CPB2: variants seen among roughly 807,000 people sequenced by gnomAD.
CPB2 encodes carboxypeptidase B-like protein.
A neutral mutation model predicts 57.0 loss-of-function variants in CPB2; 54 were observed. The ratio of observed to expected loss-of-function variants is 0.95; its 90% CI spans 0.76 to 1.19. The LOEUF is 1.19. Among genes scored for constraint, CPB2 ranks in the 50% most tolerant of loss-of-function variants. CPB2 has a pLI of 0.00. For missense variants in CPB2, 426 were observed against 512.0 expected (o/e 0.83, Z 1.62); for synonymous variants, 189 against 178.1 (o/e 1.06, Z -0.49).
intron 10 of CPB2, among the ~76,000 whole-genome samples, chr13:46,054,063 A>G (rs761220690): frequency 2.0e-5 from 3 of 152,236 alleles, no homozygotes; most frequent in Non-Finnish European, 2.9e-5. Context: ...ATGGACGTCA[A>G]AAGAACTGAA....
At chr13:46,084,945 A>G (rs1388947973) in intron 2 of CPB2, among the ~76,000 whole-genome samples, 1 of 151,056 alleles carries the variant, frequency 6.6e-6, no homozygotes, top group African/African-American at 2.4e-5. Flanking sequence ...CTGCCTCCCG[A>G]GTTCTCGCCA....
rs889347308 is a variant in CPB2 at position 46,078,893 on chromosome 13, A to T, written c.393T>A (p.Ser131=). The part of the protein sequence containing the change: ...EQYHSLNEIY[S]WIEFITERHP... ...GCCTCTCAGTTATAAATTCTATCCA[A>T]GAATAGATCTAGCAAAATGGAAACC... Residue 131 remains serine, a synonymous_variant, in exon 5 of 11, where the codon TCT becomes TCA. Transcript: ENST00000181383. The T allele has an allele frequency of 1.2e-6, 2 of 1,601,214 alleles. No homozygotes were observed. The highest frequency in any genetic ancestry group is 2.7e-5 in the African/African-American group (2 of 74,646).
chr13:46,097,688 T>C (rs2139423593), intron 1 of CPB2, among the ~76,000 whole-genome samples: 1 of 152,348 alleles, frequency 6.6e-6, no homozygotes, highest in Middle Eastern at 3.4e-3. Context: ...ATTGAGGTGC[T>C]AACTTGGAAG....
In CPB2 at chr13:46,082,489, G is replaced by T. The variant is rs747538413; in HGVS notation, c.336C>A (p.Ser112Arg). The T allele has an allele frequency of 6.2e-7, 1 of 1,613,700 alleles. No individual in the cohort carries two copies. Among genetic ancestry groups the T allele is most frequent in the Admixed American group, 1.7e-5 (1 of 60,010 alleles). Residue 112 changes from serine (S) to arginine (R), a missense_variant, in exon 4 of 11, where the codon AGC becomes AGA. Transcript: ENST00000181383. ...IQQQISNDTV[S>R]PRASASYYEQ... Reference sequence around the variant, plus strand: ...CATAGTACGATGCGGAGGCTCGGGGGCTGACTGTGTCGTTGGAAATCTGCT... The same window carrying T: ...CATAGTACGATGCGGAGGCTCGGGGTCTGACTGTGTCGTTGGAAATCTGCT...
chr13:46,089,759 G>A (rs574760408), intron 1 of CPB2, among the ~76,000 whole-genome samples: 27 of 152,216 alleles, frequency 1.8e-4, no homozygotes, highest in African/African-American at 6.5e-4. Flanking sequence ...TAGCGGGAAG[G>A]TTCTGTCTAT....
chr13:46,077,720 TAAAG>T lies in CPB2; in HGVS notation c.486+1076_486+1079del, dbSNP rs552649906. 1.6e-4 allele frequency among the ~76,000 whole-genome samples: 24 copies of T among 152,146 alleles called. No homozygotes were observed. The South Asian group carries it at 4.6e-3, about 29-fold the overall frequency. ...ATGATAAAGAAAATGTGGATGTGGA[TAAAG>T]AAAATGTGGATATGCATGTGGAAAA... On this transcript the variant is annotated intron_variant, in intron 5 of 10. Coordinates refer to ENST00000181383, the MANE Select transcript of CPB2 (RefSeq NM_001872.5).
chr13:46,086,399 T>C (rs1208521369), intron 2 of CPB2, among the ~76,000 whole-genome samples: 1 of 152,010 alleles, frequency 6.6e-6, no homozygotes, highest in African/African-American at 2.4e-5. Context: ...AGACTCGCGG[T>C]GGGTAGCTCC....
At chr13:46,077,497 A>G (rs2045040850) in intron 5 of CPB2, among the ~76,000 whole-genome samples, 1 of 152,204 alleles carries the variant, frequency 6.6e-6, no homozygotes, top group African/African-American at 2.4e-5. Context: ...TAGTTCAGCC[A>G]CTATGAAAAA....
At chr13:46,066,844 CAAAA>C (rs35694352) in intron 7 of CPB2, among the ~76,000 whole-genome samples, 41,309 of 98,676 alleles carry the variant, frequency 0.42, 5,752 homozygotes, top group Middle Eastern at 0.46. Flanking sequence ...GACACCATCT[CAAAA>C]AAAAAAAAAA....
intron 6 of CPB2, among the ~76,000 whole-genome samples, chr13:46,070,404 A>G (rs2044922400): frequency 6.6e-6 from 1 of 152,210 alleles, no homozygotes; most frequent in Non-Finnish European, 1.5e-5. Context: ...AGATGAGAAT[A>G]GAGGAGAATG....
chr13:46,075,004 GC>G (rs1369934165), intron 5 of CPB2, among the ~76,000 whole-genome samples: 1 of 152,186 alleles, frequency 6.6e-6, no homozygotes, highest in East Asian at 1.9e-4. Flanking sequence ...TTCCTAACAG[GC>G]CATGGACTGG....
rs1363956764 is a variant in CPB2 at position 46,105,011 on chromosome 13, C to T, written c.-2G>A. On this transcript the variant is annotated 5_prime_UTR_variant, in exon 1 of 11. Coordinates refer to ENST00000181383, the MANE Select transcript of CPB2 (RefSeq NM_001872.5). ...GACTGCAAGGCTGCAAAGCTTCATC[C>T]CAACAGCAATTTTCTGTACAACAAA... 4 of 1,613,848 alleles carry T rather than the reference C, an allele frequency of 2.5e-6. No homozygotes were observed. Among genetic ancestry groups the T allele is most frequent in the Non-Finnish European group, 3.4e-6 (4 of 1,179,842 alleles).
At chr13:46,104,020 C>T (rs547051609) in intron 1 of CPB2, among the ~76,000 whole-genome samples, 1 of 152,214 alleles carries the variant, frequency 6.6e-6, no homozygotes, top group African/African-American at 2.4e-5. Flanking sequence ...GTTCAGTGAT[C>T]ATGTACAAAC....
chr13:46,104,026 C>T (rs1349805559), intron 1 of CPB2, among the ~76,000 whole-genome samples: 1 of 152,186 alleles, frequency 6.6e-6, no homozygotes, highest in Non-Finnish European at 1.5e-5. Flanking sequence ...TGATCATGTA[C>T]AAACACAGCT....
intron 8 of CPB2, 21 bp downstream of exon 8, chr13:46,064,627 G>A: frequency 6.2e-7 from 1 of 1,600,548 alleles, no homozygotes; most frequent in South Asian, 1.1e-5. Context: ...GACATTGCAA[G>A]AAATAAAGCC....
intron 7 of CPB2, among the ~76,000 whole-genome samples, chr13:46,066,269 T>C (rs2044853171): frequency 6.6e-6 from 1 of 152,186 alleles, no homozygotes; most frequent in Non-Finnish European, 1.5e-5. Flanking sequence ...GAAAGCAGAG[T>C]ATTTCATATT....
intron 8 of CPB2, among the ~76,000 whole-genome samples, chr13:46,064,221 C>A (rs1977394): frequency 0.44 from 67,486 of 151,788 alleles, 15,267 homozygotes; most frequent in East Asian, 0.56. Flanking sequence ...GATTGTGCCA[C>A]TGCACTCCAG....
At chr13:46,068,637 CACCCATCA>C (rs2139366650) in intron 6 of CPB2, among the ~76,000 whole-genome samples, 2 of 152,194 alleles carry the variant, frequency 1.3e-5, no homozygotes, top group East Asian at 3.9e-4. Context: ...TGGTTAGCTG[CACCCATCA>C]ACCCGTCATC....
intron 1 of CPB2, among the ~76,000 whole-genome samples, chr13:46,088,967 T>C: frequency 6.6e-6 from 1 of 151,902 alleles, no homozygotes; most frequent in East Asian, 1.9e-4. Context: ...GTCTTTTCTC[T>C]TTCTTGATGA....
Sources: gnomAD v4.1 joint callset for allele counts (sites outside exome capture counted in the v4.1 genomes callset) on GRCh38, gnomAD v4.1.1 for gene constraint, MANE v1.5 for transcripts, NCBI Gene and HGNC (gene_info 2026-07-23, HGNC 2026-07-21) for gene names.